Variants in HNRNPH3 observed in about 807,000 individuals in gnomAD.
The protein encoded by HNRNPH3 is heterogeneous nuclear ribonucleoprotein 2H9.
Under a neutral mutation model 47.0 loss-of-function variants are expected in HNRNPH3, and 7 were observed. That is an observed-to-expected ratio of 0.15 (90% confidence interval 0.08 to 0.28). The LOEUF is 0.28. HNRNPH3 is among the 10% of genes least tolerant of loss of function. The pLI, the probability that HNRNPH3 is intolerant of heterozygous loss-of-function variation, is 1.00. For synonymous variants in HNRNPH3, 120 were observed against 143.2 expected (o/e 0.84, Z 1.16); for missense variants, 279 against 449.6 (o/e 0.62, Z 3.43).
At position 68,338,543 on chromosome 10, in the gene HNRNPH3, G is replaced by C; in HGVS notation, c.292G>C (p.Gly98Arg). Residue 98 changes from glycine to arginine, a missense_variant, in exon 4 of 10, where the codon GGA becomes CGA. Gly to Arg is a moderately radical substitution (Grantham distance 125). Coordinates refer to ENST00000265866, the MANE Select transcript of HNRNPH3 (RefSeq NM_012207.3). ...CAGAAGTAGCAGGAGTGAAATCAAA[G>C]GATTTTATGATCCACCAAGAAGATT... is the stretch of plus-strand genomic sequence containing the variant. ...IFRSSRSEIK[G>R]FYDPPRRLLG... 1 of 1,612,838 alleles carries C rather than the reference G, an allele frequency of 6.2e-7. No homozygotes were observed. Among genetic ancestry groups the C allele is most frequent in the East Asian group, 2.2e-5 (1 of 44,868 alleles).
In HNRNPH3 at chr10:68,341,145, A is replaced by G. The variant is rs773504868; in HGVS notation, c.640-29A>G. 3 of 1,479,566 alleles carry G rather than the reference A, an allele frequency of 2.0e-6. No individual in the cohort carries two copies. The African/African-American group carries it at 4.3e-5, about 21-fold the overall frequency. The allele number at this position is 1,479,566 out of a possible 1,614,324, so 91.7% of individuals were successfully genotyped here. ...AATTTACTTTAATATTCTCAATAGA[A>G]AAGTAAATAAGTGTTTCCTTTTATT... On this transcript the variant is annotated intron_variant, in intron 6 of 9. Transcript: ENST00000265866.
rs147959489 is a variant in HNRNPH3, at chr10:68,343,070, T to C, written c.*1016T>C. 5.5e-4 allele frequency: 84 copies of C among 152,324 alleles called. 1 individual carries two copies. In the East Asian group the frequency reaches 0.01, roughly 18 times the overall value. The allele number at this position is 152,324 out of a possible 1,614,324, so 9.4% of individuals were successfully genotyped here. ...TTTTAATTTTAATCCCTTTGATCAA[T>C]ATGGCTTTTTTCCAAATTGGCTAAT... is the stretch of plus-strand genomic sequence containing the variant. On this transcript the variant is annotated 3_prime_UTR_variant, in exon 10 of 10. Coordinates refer to ENST00000265866, the MANE Select transcript of HNRNPH3 (RefSeq NM_012207.3).
chr10:68,331,856 T>C (rs2045112202), upstream of HNRNPH3: 1 of 152,292 alleles, frequency 6.6e-6, no homozygotes, highest in African/African-American at 2.4e-5. Context: ...AGAAAAACGG[T>C]GCGCGCTGCA....
At position 68,337,136 on chromosome 10, in the gene HNRNPH3, CATTACCTCTT is replaced by C; in HGVS notation, c.-23-62_-23-53del. 1 of 764,408 alleles carries C rather than the reference CATTACCTCTT, an allele frequency of 1.3e-6. No homozygotes were observed. The highest frequency in any genetic ancestry group is 1.8e-5 in the South Asian group (1 of 57,014). 47.4% of individuals were successfully genotyped at this position (764,408 alleles called of 1,614,324 possible). A position where few individuals can be genotyped will look rare whatever the true frequency, so the allele number is the denominator to read the frequency against. On this transcript the variant is annotated intron_variant, in intron 1 of 9. Coordinates refer to ENST00000265866, the MANE Select transcript of HNRNPH3 (RefSeq NM_012207.3). This position sits in a 1 kb window ranked among gnomAD's most constrained non-coding sequence, Gnocchi z 4.5. ...GTGGCACCTCTGAGAGGTGTTTCTT[CATTACCTCTT>C]GACAAGAGTATATTTTGATTGACTG...
In HNRNPH3 at chr10:68,337,358, T is replaced by C. The variant is rs200673136; in HGVS notation, c.112+25T>C. ...GGTACCTCTAGTATTAGTCAAAGTT[T>C]AGTAGTATTGTAATTTTATATTTGT... On this transcript the variant is annotated intron_variant, in intron 2 of 9. Coordinates refer to ENST00000265866, the MANE Select transcript of HNRNPH3 (RefSeq NM_012207.3). The surrounding 1 kb of genome is among the most constrained non-coding windows in gnomAD (Gnocchi z 4.5). 1,819 of 1,255,712 alleles carry C rather than the reference T, an allele frequency of 1.4e-3. 1 individual carries two copies. Among genetic ancestry groups the C allele is most frequent in the Non-Finnish European group, 1.9e-3 (1,607 of 858,228 alleles). The allele number at this position is 1,255,712 out of a possible 1,614,324, so 77.8% of individuals were successfully genotyped here.
rs781024762 is a variant in HNRNPH3, at chr10:68,337,969, G to GGAA, written c.225_227dup (p.Lys76dup). On this transcript the variant is annotated inframe_insertion, in exon 3 of 10. Coordinates refer to ENST00000265866, the MANE Select transcript of HNRNPH3 (RefSeq NM_012207.3). The surrounding 1 kb of genome is among the most constrained non-coding windows in gnomAD (Gnocchi z 4.5). ...AAGGAGATAGCAGAAAATGCTCTGG[G>GGAA]GAAACACAAGGAAAGAATAGGGCAC... 6.2e-7 allele frequency: 1 copy of GGAA among 1,612,734 alleles called. No homozygotes were observed. Among genetic ancestry groups the GGAA allele is most frequent in the Admixed American group, 1.7e-5 (1 of 60,014 alleles).
At chr10:68,335,030 T>G (rs1473604200) in intron 1 of HNRNPH3, among the ~76,000 whole-genome samples, 1 of 152,140 alleles carries the variant, frequency 6.6e-6, no homozygotes, top group Admixed American at 6.5e-5. Context: ...ATAGATTAAG[T>G]GTTCCGAGTT....
In HNRNPH3 at chr10:68,337,072, C is replaced by T; in HGVS notation, c.-23-127C>T. ...AAGGTGGTCTACAATTTTGTTGTGG[C>T]ATTGTCACAGCAGTTGGCCCCATGT... On this transcript the variant is annotated intron_variant, in intron 1 of 9. Transcript: ENST00000265866. This position sits in a 1 kb window ranked among gnomAD's most constrained non-coding sequence, Gnocchi z 4.5. The T allele has an allele frequency of 2.0e-6, 1 of 511,724 alleles. No homozygotes were observed. The highest frequency in any genetic ancestry group is 3.2e-5 in the South Asian group (1 of 31,258). The allele number at this position is 511,724 out of a possible 1,614,324, so 31.7% of individuals were successfully genotyped here.
chr10:68,341,636 G>T lies in HNRNPH3; in HGVS notation c.827G>T (p.Gly276Val). The change falls in exon 8 of 10, where the codon GGC becomes GTC. Residue 276 changes from glycine to valine, a missense_variant. Coordinates refer to ENST00000265866, the MANE Select transcript of HNRNPH3 (RefSeq NM_012207.3). ...FLNSTPGGGS[G>V]MGGSGMGGYG... The stretch of plus-strand genomic sequence containing the variant: ...AATTCTACTCCTGGAGGCGGCTCTG[G>T]CATGGGAGGTTCTGGAATGGGAGGC... The T allele has an allele frequency of 6.2e-7, 1 of 1,613,696 alleles. No homozygotes were observed. The highest frequency in any genetic ancestry group is 8.5e-7 in the Non-Finnish European group (1 of 1,179,700).
chr10:68,343,187 G>A lies in HNRNPH3; in HGVS notation c.*1133G>A, dbSNP rs968143247. 1 of 152,206 alleles carries A rather than the reference G, an allele frequency of 6.6e-6. No individual in the cohort carries two copies. Among genetic ancestry groups the A allele is most frequent in the African/African-American group, 2.4e-5 (1 of 41,448 alleles). The allele number at this position is 152,206 out of a possible 1,614,324, so 9.4% of individuals were successfully genotyped here. Reference sequence around the variant, plus strand: ...GTTATTAATAAATGTCATTGTGGGAGATAATAGTATGGCGTCTGTCCTAGA... The same window carrying A: ...GTTATTAATAAATGTCATTGTGGGAAATAATAGTATGGCGTCTGTCCTAGA... On this transcript the variant is annotated 3_prime_UTR_variant, in exon 10 of 10. Transcript: ENST00000265866.
chr10:68,341,271 A>G lies in HNRNPH3; in HGVS notation c.737A>G (p.Asp246Gly). Residue 246 changes from aspartate to glycine, a missense_variant, in exon 7 of 10, where the codon GAT becomes GGT. Around this residue, in one of 2 missense-constraint regions of HNRNPH3, gnomAD observed 239 missense variants for 335.8 expected, o/e 0.71. Coordinates refer to ENST00000265866, the MANE Select transcript of HNRNPH3 (RefSeq NM_012207.3). ...EADVEFVTHEDAVAAMSKDKN... is the reference protein window; with the variant it reads ...EADVEFVTHEGAVAAMSKDKN... ...GATGTAGAGTTTGTGACACATGAAGATGCAGTAGCTGCCATGTCTAAAGAT... is the reference window on the plus strand; with the variant it reads ...GATGTAGAGTTTGTGACACATGAAGGTGCAGTAGCTGCCATGTCTAAAGAT... 6.2e-7 allele frequency: 1 copy of G among 1,605,758 alleles called. No homozygotes were observed.
intron 1 of HNRNPH3, among the ~76,000 whole-genome samples, chr10:68,335,475 CTT>C (rs34001723): frequency 6.8e-6 from 1 of 147,138 alleles, no homozygotes; most frequent in Admixed American, 6.8e-5. Flanking sequence ...CATCTCTGAA[CTT>C]TTTTTTTTTC....
chr10:68,341,433 G>T, intron 7 of HNRNPH3, 124 bp downstream of exon 7: 1 of 1,089,160 alleles, frequency 9.2e-7, no homozygotes, highest in South Asian at 1.4e-5. Context: ...CCTCTATAAT[G>T]GCTTTCTGTG....
chr10:68,332,652 G>A (rs757949004), intron 1 of HNRNPH3: 2 of 152,358 alleles, frequency 1.3e-5, no homozygotes, highest in Non-Finnish European at 2.9e-5. Context: ...GTAGTGAAGC[G>A]AGCAGGGAAA....
At position 68,338,506 on chromosome 10, in the gene HNRNPH3, T is replaced by C. The variant is rs1335547713; in HGVS notation, c.255T>C (p.Tyr85=). ...ACCTTAAAACATTTTTAAATAGGTATATTGAGATCTTCAGAAGTAGCAGGA... is the reference window on the plus strand; with the variant it reads ...ACCTTAAAACATTTTTAAATAGGTACATTGAGATCTTCAGAAGTAGCAGGA... The part of the protein sequence containing the change: ...GKHKERIGHR[Y]IEIFRSSRSE... Residue 85 remains tyrosine (Y), a synonymous_variant, in exon 4 of 10, where the codon TAT becomes TAC. Transcript: ENST00000265866. The C allele has an allele frequency of 6.3e-7, 1 of 1,597,564 alleles. No homozygotes were observed.
intron 1 of HNRNPH3, among the ~76,000 whole-genome samples, chr10:68,334,551 T>C (rs1037936659): frequency 2.0e-5 from 3 of 152,202 alleles, no homozygotes; most frequent in African/African-American, 7.2e-5. Context: ...CAAAAAGATA[T>C]CCATACCCTT....
chr10:68,338,721 CA>C (rs1372791292), intron 4 of HNRNPH3, 34 bp downstream of exon 4: 1 of 1,478,154 alleles, frequency 6.8e-7, no homozygotes, highest in African/African-American at 1.4e-5. Flanking sequence ...GTTCTGTTGT[CA>C]TTTTCTTAAT....
chr10:68,338,959 TAA>T (rs1564752498), intron 4 of HNRNPH3, 179 bp from the exon 5 acceptor site: 1 of 546,358 alleles, frequency 1.8e-6, no homozygotes, highest in African/African-American at 1.9e-5. Flanking sequence ...TGAACTTAAT[TAA>T]CTTTCTGAGA....
chr10:68,334,410 A>G (rs2045418149), intron 1 of HNRNPH3, among the ~76,000 whole-genome samples: 1 of 152,142 alleles, frequency 6.6e-6, no homozygotes, highest in Admixed American at 6.5e-5. Flanking sequence ...TTTTTTCTTT[A>G]ACGACTTTGG....
Sources: allele counts gnomAD v4.1 joint callset (sites outside exome capture counted in the v4.1 genomes callset), GRCh38; gene constraint gnomAD v4.1.1; regional missense constraint gnomAD v4.1.1; non-coding constraint Gnocchi (gnomAD v3.1); transcripts MANE v1.5; gene names NCBI Gene and HGNC (gene_info 2026-07-23, HGNC 2026-07-21).